SPAG16: variants seen among roughly 807,000 people sequenced by gnomAD.
The protein encoded by SPAG16 is sperm associated antigen 16, also known as sperm-associated antigen 16 protein.
In SPAG16, 86 loss-of-function variants were observed where a neutral mutation model predicts 80.4. The observed-to-expected ratio is 1.07, with a 90% CI of 0.90 to 1.28. The LOEUF (loss-of-function observed/expected upper bound fraction) is 1.28. Ranked by LOEUF, SPAG16 falls within the 50% of genes most tolerant of loss-of-function variation. The pLI is 0.00. For synonymous variants in SPAG16, 294 were observed against 265.9 expected, an observed-to-expected ratio of 1.11 and a Z score of -1.03; for missense variants, 870 against 765.3, an observed-to-expected ratio of 1.14 and a Z score of -1.61.
intron 15 of SPAG16, among the ~76,000 whole-genome samples, chr2:214,214,857 C>T (rs918376580): frequency 6.6e-6 from 1 of 150,902 alleles, no homozygotes; most frequent in Non-Finnish European, 1.5e-5. Context: ...AGGAACCTGG[C>T]TTTTTCTACC....
At chr2:213,823,371 G>GT (rs1443320756) in intron 10 of SPAG16, among the ~76,000 whole-genome samples, 1 of 151,940 alleles carries the variant, frequency 6.6e-6, no homozygotes, top group African/African-American at 2.4e-5. Flanking sequence ...GTTTTGTTTT[G>GT]TTTTTTGAGA....
chr2:213,777,066 C>T (rs2069635888), intron 10 of SPAG16, among the ~76,000 whole-genome samples: 1 of 151,838 alleles, frequency 6.6e-6, no homozygotes, highest in Non-Finnish European at 1.5e-5. Flanking sequence ...TTCTTTGTTA[C>T]TTCACAATTG....
chr2:213,408,711 G>A (rs1280012284), intron 9 of SPAG16, among the ~76,000 whole-genome samples: 1 of 152,142 alleles, frequency 6.6e-6, no homozygotes, highest in Non-Finnish European at 1.5e-5. Context: ...AATTGATAGG[G>A]AAACTCTTGT....
intron 12 of SPAG16, among the ~76,000 whole-genome samples, chr2:213,973,007 C>T (rs1157788891): frequency 6.6e-6 from 1 of 152,064 alleles, no homozygotes; most frequent in Admixed American, 6.6e-5. Flanking sequence ...AAAAAAACAC[C>T]TCTCAGTGTT....
chr2:214,229,098 C>T (rs1247424130), intron 15 of SPAG16, among the ~76,000 whole-genome samples: 7 of 151,412 alleles, frequency 4.6e-5, no homozygotes, highest in African/African-American at 1.7e-4. Context: ...GAGATACAAC[C>T]AGAAGCAAAA....
intron 10 of SPAG16, among the ~76,000 whole-genome samples, chr2:213,748,703 A>G (rs2067945922): frequency 6.6e-6 from 1 of 152,208 alleles, no homozygotes; most frequent in Admixed American, 6.5e-5. Flanking sequence ...TACATGTGAT[A>G]TAATTACTAA....
chr2:213,310,319 AACACACACACACACACAC>A (rs59407158), intron 4 of SPAG16, 142 bp downstream of exon 4: 7,349 of 347,394 alleles, frequency 0.021, 131 homozygotes, highest in African/African-American at 0.053. Flanking sequence ...CTGAAACCAC[AACACACACACACACACAC>A]ACACACACAC....
Position 213,509,282 on chromosome 2 carries a change from T to C in SPAG16, c.1070+19192T>C, listed in dbSNP as rs112519099. 7.8e-3 allele frequency among the ~76,000 whole-genome samples: 1,184 copies of C among 152,250 alleles called. 7 individuals are homozygous for C. The highest frequency in any genetic ancestry group is 0.013 in the Non-Finnish European group (859 of 68,018). The stretch of plus-strand genomic sequence containing the variant: ...AAGTGCTGGGATTTCTATACAATAT[T>C]TTCTATATTTTCTATTTCCAGATAG... On this transcript the variant is annotated intron_variant, in intron 10 of 15. Coordinates refer to ENST00000331683, the MANE Select transcript of SPAG16 (RefSeq NM_024532.5).
At chr2:213,385,121 G>C (rs2067358035) in intron 9 of SPAG16, among the ~76,000 whole-genome samples, 1 of 152,144 alleles carries the variant, frequency 6.6e-6, no homozygotes, top group Non-Finnish European at 1.5e-5. Context: ...TTTCCTAGTG[G>C]ACGTATTCTC....
intron 9 of SPAG16, among the ~76,000 whole-genome samples, chr2:213,439,127 A>G (rs976609908): frequency 1.3e-5 from 2 of 152,198 alleles, no homozygotes; most frequent in Admixed American, 1.3e-4. Flanking sequence ...GAATCCAGTC[A>G]ATTCCTACTC....
intron 10 of SPAG16, among the ~76,000 whole-genome samples, chr2:213,729,370 A>G (rs970338472): frequency 6.6e-6 from 1 of 152,214 alleles, no homozygotes; most frequent in African/African-American, 2.4e-5. Context: ...ACTACCTTTT[A>G]GATTGCTCAC....
At chr2:213,736,870 A>G (rs1232373407) in intron 10 of SPAG16, among the ~76,000 whole-genome samples, 2 of 150,060 alleles carry the variant, frequency 1.3e-5, no homozygotes, top group African/African-American at 4.9e-5. Flanking sequence ...ATGCCCAGCT[A>G]ATTTTTTGTA....
In SPAG16 at chr2:213,751,492, T is replaced by C. The variant is rs2068074010; in HGVS notation, c.1071-110993T>C. 3.3e-5 allele frequency among the ~76,000 whole-genome samples: 5 copies of C among 152,218 alleles called. No individual in the cohort carries two copies. In the South Asian group the frequency reaches 1.0e-3, roughly 32 times the overall value. Reference sequence around the variant, plus strand: ...TAACACTCATAGGCCTTAATAATGGTGTAGCCACCCAGGTTCTCTCCATCG... The same window carrying C: ...TAACACTCATAGGCCTTAATAATGGCGTAGCCACCCAGGTTCTCTCCATCG... On this transcript the variant is annotated intron_variant, in intron 10 of 15. Coordinates refer to ENST00000331683, the MANE Select transcript of SPAG16 (RefSeq NM_024532.5).
intron 10 of SPAG16, among the ~76,000 whole-genome samples, chr2:213,599,039 A>G (rs2124961856): frequency 6.6e-6 from 1 of 152,350 alleles, no homozygotes; most frequent in Admixed American, 6.5e-5. Context: ...TCTTTATATT[A>G]TTAAATTTTA....
chr2:213,688,755 G>A (rs547586504), intron 10 of SPAG16, among the ~76,000 whole-genome samples: 1 of 151,460 alleles, frequency 6.6e-6, no homozygotes, highest in Admixed American at 6.6e-5. Flanking sequence ...TTTTCAGTTT[G>A]TATTGTTTTG....
intron 10 of SPAG16, among the ~76,000 whole-genome samples, chr2:213,590,709 A>T (rs2060657187): frequency 6.6e-6 from 1 of 152,220 alleles, no homozygotes; most frequent in Non-Finnish European, 1.5e-5. Context: ...GTGGGAATGC[A>T]AATTAGTTCA....
chr2:213,739,214 G>A (rs947676773), intron 10 of SPAG16, among the ~76,000 whole-genome samples: 5 of 152,166 alleles, frequency 3.3e-5, no homozygotes, highest in Non-Finnish European at 1.5e-5. Context: ...GCCTCAGTAG[G>A]ATAATGTGGT....
intron 15 of SPAG16, among the ~76,000 whole-genome samples, chr2:214,336,914 T>A (rs559334536): frequency 7.4e-6 from 1 of 135,430 alleles, no homozygotes; most frequent in African/African-American, 2.5e-5. Flanking sequence ...GTATAAAGAC[T>A]AAGAGCTAGG....
chr2:214,193,608 A>G (rs2057737263), intron 15 of SPAG16, among the ~76,000 whole-genome samples: 1 of 151,998 alleles, frequency 6.6e-6, no homozygotes, highest in South Asian at 2.1e-4. Context: ...CCAGTTCATC[A>G]TCTCTGCAAC....
Sources: allele counts gnomAD v4.1 joint callset (sites outside exome capture counted in the v4.1 genomes callset), GRCh38; gene constraint gnomAD v4.1.1; transcripts MANE v1.5; gene names NCBI Gene and HGNC (gene_info 2026-07-23, HGNC 2026-07-21).